The following CTBP2 variants were observed in gnomAD, a reference collection of about 807,000 sequenced individuals.
The protein encoded by CTBP2 is C-terminal binding protein 2.
In CTBP2, 30 loss-of-function variants were observed where a neutral mutation model predicts 80.3. That is an observed-to-expected ratio of 0.37 (90% CI 0.28 to 0.51). The LOEUF (loss-of-function observed/expected upper bound fraction) is 0.51, where lower values mean the gene tolerates loss of function less well. Among genes scored for constraint, CTBP2 ranks in the 20% least tolerant of loss-of-function variants. The pLI is 0.93. For synonymous variants in CTBP2, 594 were observed against 587.4 expected (o/e 1.01, Z -0.16); for missense variants, 1,212 against 1,375.3 (o/e 0.88, Z 1.88).
intron 3 of CTBP2, among the ~76,000 whole-genome samples, chr10:125,036,232 C>G (rs1310234912): frequency 1.3e-5 from 2 of 152,096 alleles, no homozygotes; most frequent in Non-Finnish European, 2.9e-5. Context: ...CCTTAGAAAA[C>G]AGGGAAAGGT....
intron 2 of CTBP2, among the ~76,000 whole-genome samples, chr10:125,060,779 G>C (rs778431493): frequency 6.6e-6 from 1 of 152,224 alleles, no homozygotes; most frequent in Non-Finnish European, 1.5e-5. Context: ...AGAAGCACAC[G>C]GGCAGGCTTC....
chr10:125,068,824 T>C lies in CTBP2; in HGVS notation c.-101-29669A>G, dbSNP rs534760465. On this transcript the variant is annotated intron_variant, in intron 2 of 10. Transcript: ENST00000337195. Reference sequence around the variant, plus strand: ...GTACTCCCTGAGTCACCTATTCCCTTGCAACTTGGAGGTCAGGGTTGCTTT... The same window carrying C: ...GTACTCCCTGAGTCACCTATTCCCTCGCAACTTGGAGGTCAGGGTTGCTTT... Among the ~76,000 whole-genome samples, 164 of 152,302 alleles carry C rather than the reference T, an allele frequency of 1.1e-3. 1 individual carries two copies. Among genetic ancestry groups the C allele is most frequent in the Middle Eastern group, 6.8e-3 (2 of 294 alleles).
intron 1 of CTBP2, among the ~76,000 whole-genome samples, chr10:125,014,274 C>A (rs3781428): frequency 1.3e-5 from 2 of 152,056 alleles, no homozygotes; most frequent in East Asian, 3.9e-4. Flanking sequence ...CTAACCTGGA[C>A]GACACAGTGA....
At chr10:125,155,403 CT>C (rs545975275) in intron 1 of CTBP2, among the ~76,000 whole-genome samples, 8,420 of 146,988 alleles carry the variant, frequency 0.057, 737 homozygotes, top group African/African-American at 0.19. Context: ...TGAATCCCCC[CT>C]TTTTTTTTTT....
Position 125,155,684 on chromosome 10 carries a change from TAA to T in CTBP2, c.-206+4633_-206+4634del, listed in dbSNP as rs35676871. ...AATTTTCCAAACCCCAAGATAGGATTAAAAAAAAAAAAACTCTTTCATAAGTC... is the reference window on the plus strand; with the variant it reads ...AATTTTCCAAACCCCAAGATAGGATTAAAAAAAAAAACTCTTTCATAAGTC... On this transcript the variant is annotated intron_variant, in intron 1 of 10. Transcript: ENST00000337195. Among the ~76,000 whole-genome samples, 1,218 of 144,362 alleles carry T rather than the reference TAA, an allele frequency of 8.4e-3. 13 individuals are homozygous for T. Among genetic ancestry groups the T allele is most frequent in the African/African-American group, 0.029 (1,139 of 39,860 alleles). The allele number at this position is 144,362 out of a possible 152,430, so 94.7% of individuals were successfully genotyped here.
At chr10:125,098,762 G>C (rs868291720) in intron 2 of CTBP2, among the ~76,000 whole-genome samples, 14 of 128,180 alleles carry the variant, frequency 1.1e-4, no homozygotes, top group African/African-American at 3.7e-4. Flanking sequence ...GAGAGAGAGA[G>C]AGAGAGAGAG....
Position 124,998,126 on chromosome 10 carries a change from C to T in CTBP2, c.2023G>A (p.Ala675Thr), listed in dbSNP as rs746697788. 2 of 1,611,944 alleles carry T rather than the reference C, an allele frequency of 1.2e-6. No individual in the cohort carries two copies. Among genetic ancestry groups the T allele is most frequent in the Non-Finnish European group, 8.5e-7 (1 of 1,179,414 alleles). ...AGGATGTGGCAGATGGTAGAGTCCGCTGTCTCTTCCACGGCTGCAGACGGG... is the reference window on the plus strand; with the variant it reads ...AGGATGTGGCAGATGGTAGAGTCCGTTGTCTCTTCCACGGCTGCAGACGGG... Residue 675 changes from alanine to threonine, a missense_variant, in exon 4 of 9, where the codon GCG becomes ACG. By Grantham distance (58) the Ala-to-Thr change is moderately conservative (BLOSUM62 0). This residue lies in a region of CTBP2 where 335 missense variants were observed against 504.7 expected (regional missense o/e 0.66). Transcript: ENST00000309035.
upstream of CTBP2, among the ~76,000 whole-genome samples, chr10:125,032,304 T>C (rs186918034): frequency 5.9e-5 from 9 of 152,316 alleles, no homozygotes; most frequent in Admixed American, 2.6e-4. Context: ...TTAGCAGCTT[T>C]TCCTGCAGAT....
intron 2 of CTBP2, among the ~76,000 whole-genome samples, chr10:125,081,078 A>G (rs949329966): frequency 2.0e-5 from 3 of 152,210 alleles, no homozygotes; most frequent in African/African-American, 4.8e-5. Context: ...GTGCCCTCCT[A>G]ATCCGCTGTG....
intron 2 of CTBP2, among the ~76,000 whole-genome samples, chr10:125,106,897 C>A (rs1851543936): frequency 6.6e-6 from 1 of 152,242 alleles, no homozygotes; most frequent in East Asian, 1.9e-4. Flanking sequence ...GAGGGCGTGA[C>A]CCCTGTGTGA....
intron 2 of CTBP2, among the ~76,000 whole-genome samples, chr10:125,049,930 A>G (rs1178663203): frequency 1.3e-5 from 2 of 152,154 alleles, no homozygotes; most frequent in Non-Finnish European, 2.9e-5. Flanking sequence ...CCACCGCCCC[A>G]GTGCACAGCT....
Position 125,039,163 on chromosome 10 carries a change from A to C in CTBP2, c.-101-8T>G. 1 of 910,816 alleles carries C rather than the reference A, an allele frequency of 1.1e-6. No homozygotes were observed. Among genetic ancestry groups the C allele is most frequent in the Non-Finnish European group, 1.7e-6 (1 of 590,804 alleles). 56.4% of individuals were successfully genotyped at this position (910,816 alleles called of 1,614,324 possible). A position where few individuals can be genotyped will look rare whatever the true frequency, so the allele number is the denominator to read the frequency against. Reference sequence around the variant, plus strand: ...ATGACGCCACTATGAACCCTGAAACAAGGAGAAAAGAATCCTTACTCTCTG... The same window carrying C: ...ATGACGCCACTATGAACCCTGAAACCAGGAGAAAAGAATCCTTACTCTCTG... On this transcript the variant is annotated splice_region_variant and splice_polypyrimidine_tract_variant and intron_variant, in intron 2 of 10. Transcript: ENST00000337195.
At position 124,988,097 on chromosome 10, in the gene CTBP2, C is replaced by T. The variant is rs1328732322; in HGVS notation, c.*1421G>A. The T allele has an allele frequency of 6.6e-6, 1 of 152,434 alleles. No homozygotes were observed. Among genetic ancestry groups the T allele is most frequent in the East Asian group, 1.9e-4 (1 of 5,192 alleles). The allele number at this position is 152,434 out of a possible 1,614,324, so 9.4% of individuals were successfully genotyped here. A position where few individuals can be genotyped will look rare whatever the true frequency, so the allele number is the denominator to read the frequency against. On this transcript the variant is annotated 3_prime_UTR_variant, in exon 9 of 9. Transcript: ENST00000309035. ...TTTTTTGAATTGATTTAGCACTAAC[C>T]CACCATTGCATCTTAAGGATGGCAT...
chr10:125,123,600 C>T (rs921569443), intron 1 of CTBP2, among the ~76,000 whole-genome samples: 1 of 152,196 alleles, frequency 6.6e-6, no homozygotes, highest in Admixed American at 6.5e-5. Flanking sequence ...AGGGGATCAG[C>T]GCTTACAAGG....
chr10:125,080,077 C>T (rs1253924843), intron 2 of CTBP2, among the ~76,000 whole-genome samples: 2 of 152,190 alleles, frequency 1.3e-5, no homozygotes, highest in Non-Finnish European at 1.5e-5. Context: ...TATTTATGCA[C>T]TTAATATCAC....
chr10:125,050,834 G>T (rs750699986), intron 2 of CTBP2, among the ~76,000 whole-genome samples: 2 of 152,180 alleles, frequency 1.3e-5, no homozygotes, highest in African/African-American at 2.4e-5. Context: ...TGCTGGGGAG[G>T]AGTAGACAAG....
At chr10:125,030,253 A>C (rs1958041153), upstream of CTBP2, among the ~76,000 whole-genome samples, 1 of 152,202 alleles carries the variant, frequency 6.6e-6, no homozygotes, top group African/African-American at 2.4e-5. Flanking sequence ...TTAGAGTAAT[A>C]CATCTCACGG....
chr10:125,027,641 G>A lies in CTBP2; in HGVS notation c.119C>T (p.Ser40Phe). ...CCCCTCTGCTGTGCCATACGTCAGG[G>A]AGCTTCTCCTCCCCAGAGGCCGCAG... Residue 40 changes from serine to phenylalanine, a missense_variant, in exon 1 of 9, where the codon TCC becomes TTC. By Grantham distance (155) the Ser-to-Phe change is radical (BLOSUM62 -2). Transcript: ENST00000309035. 1 of 1,614,050 alleles carries A rather than the reference G, an allele frequency of 6.2e-7. No homozygotes were observed. The highest frequency in any genetic ancestry group is 8.5e-7 in the Non-Finnish European group (1 of 1,180,032).
At chr10:125,160,736 C>A (rs1424324870), upstream of CTBP2, 2 of 113,504 alleles carry the variant, frequency 1.8e-5, no homozygotes, top group East Asian at 5.8e-4. Context: ...GTTCCCAATT[C>A]CCCCCGCGTC....
Sources: gnomAD v4.1 joint callset for allele counts (sites outside exome capture counted in the v4.1 genomes callset) on GRCh38, gnomAD v4.1.1 for gene constraint, gnomAD v4.1.1 regional missense constraint, MANE v1.5 for transcripts, NCBI Gene and HGNC (gene_info 2026-07-23, HGNC 2026-07-21) for gene names.